The following NCOA1 variants were observed in gnomAD, a reference collection of about 807,000 sequenced individuals.
NCOA1 encodes the protein Hin-2 protein.
NCOA1 carries 35 observed loss-of-function variants against 150.9 expected under a neutral mutation model. That is an observed-to-expected ratio of 0.23 (90% CI 0.18 to 0.31). NCOA1 has a LOEUF of 0.31. Among genes scored for constraint, NCOA1 ranks in the 10% least tolerant of loss-of-function variants. The probability of loss-of-function intolerance (pLI) is 1.00; values close to 1 mark genes in which losing one functional copy is unlikely to be tolerated. For synonymous variants in NCOA1, 590 were observed against 630.0 expected (o/e 0.94, Z 0.95); for missense variants, 1,491 against 1,749.3 (o/e 0.85, Z 2.63).
intron 1 of NCOA1, among the ~76,000 whole-genome samples, chr2:24,529,984 C>T (rs567109254): frequency 2.0e-5 from 3 of 152,074 alleles, no homozygotes; most frequent in East Asian, 3.9e-4. Flanking sequence ...TACAACATAC[C>T]GTGAATTGCT....
intron 3 of NCOA1, among the ~76,000 whole-genome samples, chr2:24,637,487 T>A (rs932479167): frequency 1.3e-5 from 2 of 151,466 alleles, no homozygotes; most frequent in African/African-American, 4.9e-5. Context: ...GTGGCACATA[T>A]ACACCATGGA....
chr2:24,723,576 T>C (rs1674463474), intron 14 of NCOA1, among the ~76,000 whole-genome samples: 1 of 152,230 alleles, frequency 6.6e-6, no homozygotes, highest in African/African-American at 2.4e-5. Context: ...TTGAATTATG[T>C]ACTTTCTCAT....
intron 16 of NCOA1, 49 bp from the exon 17 acceptor site, chr2:24,729,452 T>A (rs762052787): frequency 6.6e-7 from 1 of 1,522,510 alleles, no homozygotes; most frequent in East Asian, 2.3e-5. Context: ...AGCATGTTAC[T>A]TATTGGCAGA....
At chr2:24,605,357 G>A (rs1558832116) in intron 3 of NCOA1, among the ~76,000 whole-genome samples, 1 of 152,130 alleles carries the variant, frequency 6.6e-6, no homozygotes, top group African/African-American at 2.4e-5. Context: ...AGGTATGCCT[G>A]TATATTGTAT....
rs1320432684 is a variant in NCOA1, at chr2:24,764,071, G to A, written c.4155+1295G>A. On this transcript the variant is annotated intron_variant, in intron 22 of 22. Coordinates refer to ENST00000348332, the MANE Select transcript of NCOA1 (RefSeq NM_003743.5). The stretch of plus-strand genomic sequence containing the variant: ...TTCATTTGTGAAATGCTTGTGGTTT[G>A]CCAGGCACTGTGCTATGCACTGTAT... Among the ~76,000 whole-genome samples the A allele has an allele frequency of 2.6e-5, 4 of 152,342 alleles. No homozygotes were observed. The South Asian group carries it at 6.2e-4, about 24-fold the overall frequency.
chr2:24,594,586 T>A (rs1384767637), intron 3 of NCOA1, among the ~76,000 whole-genome samples: 1 of 152,142 alleles, frequency 6.6e-6, no homozygotes, highest in African/African-American at 2.4e-5. Flanking sequence ...ATTAGCATGC[T>A]TTTGGTTTGT....
chr2:24,634,009 A>T (rs982132783), intron 3 of NCOA1, among the ~76,000 whole-genome samples: 3 of 152,240 alleles, frequency 2.0e-5, no homozygotes, highest in Non-Finnish European at 2.9e-5. Context: ...ACACATGCAC[A>T]CTTCAACATG....
At chr2:24,597,346 T>C (rs1430264595) in intron 3 of NCOA1, among the ~76,000 whole-genome samples, 1 of 152,190 alleles carries the variant, frequency 6.6e-6, no homozygotes, top group Non-Finnish European at 1.5e-5. Flanking sequence ...GACATGCAAA[T>C]ATTTTTTAAA....
chr2:24,591,086 TGTAA>T (rs1667637478), intron 3 of NCOA1, among the ~76,000 whole-genome samples: 1 of 152,220 alleles, frequency 6.6e-6, no homozygotes, highest in Non-Finnish European at 1.5e-5. Flanking sequence ...TATAAAATAC[TGTAA>T]GTATAAACTT....
chr2:24,707,318 T>C lies in NCOA1; in HGVS notation c.1848T>C (p.Asn616=), dbSNP rs770713813. Reference sequence around the variant, plus strand: ...TGGATTCAGGGCTTCTGCATAACAATGACAGACTTTCAGATGGAGACAGTA... The same window carrying C: ...TGGATTCAGGGCTTCTGCATAACAACGACAGACTTTCAGATGGAGACAGTA... ...KPLDSGLLHN[N]DRLSDGDSKY... Residue 616 remains asparagine (N), a synonymous_variant, in exon 13 of 23, where the codon AAT becomes AAC. Transcript: ENST00000348332. The C allele has an allele frequency of 6.2e-7, 1 of 1,614,204 alleles. No individual in the cohort carries two copies. The highest frequency in any genetic ancestry group is 8.5e-7 in the Non-Finnish European group (1 of 1,180,034).
chr2:24,535,298 GCTTGGTAGATCTTCCT>G (rs1665084330), intron 1 of NCOA1, among the ~76,000 whole-genome samples: 1 of 151,500 alleles, frequency 6.6e-6, no homozygotes, highest in Admixed American at 6.6e-5. Flanking sequence ...CTTTCCATTT[GCTTGGTAGATCTTCCT>G]CCATCCCTTT....
At chr2:24,680,710 A>G (rs1672124655) in intron 7 of NCOA1, among the ~76,000 whole-genome samples, 2 of 152,200 alleles carry the variant, frequency 1.3e-5, no homozygotes, top group South Asian at 4.1e-4. Flanking sequence ...AATTGCAAAG[A>G]GAGAGCTTTT....
chr2:24,710,907 T>C (rs1484890337), intron 13 of NCOA1, 24 bp from the exon 14 acceptor site: 1 of 1,608,390 alleles, frequency 6.2e-7, no homozygotes, highest in African/African-American at 1.3e-5. Context: ...ATATATTTCC[T>C]CTAACTTTGG....
At chr2:24,740,221 T>G (rs144285326) in intron 18 of NCOA1, among the ~76,000 whole-genome samples, 1 of 152,272 alleles carries the variant, frequency 6.6e-6, no homozygotes, top group African/African-American at 2.4e-5. Context: ...TAGGAGCAAA[T>G]AAAGCCAGCA....
At chr2:24,748,809 A>G (rs1664073473) in intron 19 of NCOA1, among the ~76,000 whole-genome samples, 2 of 152,186 alleles carry the variant, frequency 1.3e-5, no homozygotes, top group South Asian at 4.1e-4. Flanking sequence ...TTACACAGGC[A>G]TATATGCATG....
intron 6 of NCOA1, among the ~76,000 whole-genome samples, chr2:24,667,897 A>T (rs1671504161): frequency 6.6e-6 from 1 of 152,222 alleles, no homozygotes; most frequent in Non-Finnish European, 1.5e-5. Flanking sequence ...ACAGAAAAAA[A>T]AATCTATGCA....
At chr2:24,695,695 G>A (rs550909367) in intron 10 of NCOA1, among the ~76,000 whole-genome samples, 2 of 152,292 alleles carry the variant, frequency 1.3e-5, no homozygotes, top group South Asian at 4.1e-4. Context: ...ATGTTGAACA[G>A]TGGGGCTTTT....
intron 14 of NCOA1, among the ~76,000 whole-genome samples, chr2:24,725,714 C>CATGTGTGTGT (rs1260070942): frequency 6.0e-5 from 9 of 148,990 alleles, no homozygotes; most frequent in African/African-American, 2.0e-4. Flanking sequence ...CTAAAGTGTG[C>CATGTGTGTGT]GTGTGTGTGT....
In NCOA1 at chr2:24,506,595, A is replaced by G. The variant is rs13419415; in HGVS notation, c.-396+14993A>G. Among the ~76,000 whole-genome samples the G allele has an allele frequency of 9.0e-3, 1,372 of 152,264 alleles. 27 individuals are homozygous for G. The highest frequency in any genetic ancestry group is 0.031 in the African/African-American group (1,298 of 41,548). ...CCGTGGAGAGGTGGGTTGGCAGCCTACTTAGACATCTTTAGTGGTTAGGTT... is the reference window on the plus strand; with the variant it reads ...CCGTGGAGAGGTGGGTTGGCAGCCTGCTTAGACATCTTTAGTGGTTAGGTT... On this transcript the variant is annotated intron_variant, in intron 1 of 22. Coordinates refer to ENST00000348332, the MANE Select transcript of NCOA1 (RefSeq NM_003743.5).
Sources: gnomAD v4.1 joint callset for allele counts (sites outside exome capture counted in the v4.1 genomes callset) on GRCh38, gnomAD v4.1.1 for gene constraint, MANE v1.5 for transcripts, NCBI Gene and HGNC (gene_info 2026-07-23, HGNC 2026-07-21) for gene names.